ABCF3: variants seen among roughly 807,000 people sequenced by gnomAD.
The protein encoded by ABCF3 is ATP binding cassette subfamily F member 3.
A neutral mutation model predicts 94.3 loss-of-function variants in ABCF3; 62 were observed. The observed-to-expected ratio is 0.66, with a 90% CI of 0.54 to 0.81. ABCF3 has a LOEUF of 0.81. Among genes scored for constraint, ABCF3 ranks in the 40% least tolerant of loss-of-function variants. The pLI is 0.00. For missense variants in ABCF3, 843 were observed against 925.3 expected (o/e 0.91, Z 1.15); for synonymous variants, 355 against 361.1 (o/e 0.98, Z 0.19).
chr3:184,193,780 C>A lies in ABCF3; in HGVS notation c.*82C>A. 1 of 1,433,944 alleles carries A rather than the reference C, an allele frequency of 7.0e-7. No homozygotes were observed. The highest frequency in any genetic ancestry group is 9.3e-7 in the Non-Finnish European group (1 of 1,077,960). The allele number at this position is 1,433,944 out of a possible 1,614,324, so 88.8% of individuals were successfully genotyped here. A position where few individuals can be genotyped will look rare whatever the true frequency, so the allele number is the denominator to read the frequency against. On this transcript the variant is annotated 3_prime_UTR_variant, in exon 21 of 21. Transcript: ENST00000429586. The surrounding 1 kb of genome is among the most constrained non-coding windows in gnomAD (Gnocchi z 5.2). ...CACCATGTAGGCCACCACTCCAGGC[C>A]GTGGACTTCCCCCAACTTGGGGACA...
chr3:184,190,676 C>T, intron 14 of ABCF3: 1 of 262,864 alleles, frequency 3.8e-6, no homozygotes, highest in Admixed American at 5.0e-5. Context: ...ATTTGCATTG[C>T]CTTAATAACT....
intron 16 of ABCF3, among the ~76,000 whole-genome samples, 160 bp downstream of exon 16, chr3:184,191,415 C>T (rs1220842691): frequency 6.6e-6 from 1 of 152,204 alleles, no homozygotes; most frequent in Non-Finnish European, 1.5e-5. Context: ...GCCCTGTCCT[C>T]TGGCCGCACA....
rs1021426964 is a variant in ABCF3, at chr3:184,192,880, G to A, written c.1734G>A (p.Leu578=). The A allele has an allele frequency of 3.1e-6, 5 of 1,613,956 alleles. No homozygotes were observed. Among genetic ancestry groups the A allele is most frequent in the Middle Eastern group, 1.7e-4 (1 of 6,054 alleles). The stretch of plus-strand genomic sequence containing the variant: ...TAAACGTCAGTGCTGTGGAACTGCT[G>A]GCACGCAAGTTTCCTGGTGAGTTAG... ...LDLNVSAVEL[L]ARKFPGRPEE... Residue 578 remains leucine, a synonymous_variant, in exon 18 of 21, where the codon CTG becomes CTA. Coordinates refer to ENST00000429586, the MANE Select transcript of ABCF3 (RefSeq NM_018358.3).
chr3:184,191,293 C>T, intron 16 of ABCF3, 38 bp downstream of exon 16: 1 of 1,611,616 alleles, frequency 6.2e-7, no homozygotes, highest in Non-Finnish European at 8.5e-7. Flanking sequence ...AGCTGGGACT[C>T]TCCTGTCTAA....
Position 184,193,677 on chromosome 3 carries a change from C to G in ABCF3, c.2109C>G (p.Phe703Leu). 6.2e-7 allele frequency: 1 copy of G among 1,612,914 alleles called. No homozygotes were observed. Among genetic ancestry groups the G allele is most frequent in the Non-Finnish European group, 8.5e-7 (1 of 1,179,254 alleles). ...DQYRALLQEQ[F>L]RREGFL ...ACCGCGCCCTCCTCCAGGAACAGTT[C>G]CGCCGCGAAGGCTTCCTCTAGGGCC... The change falls in exon 21 of 21, where the codon TTC becomes TTG. Residue 703 changes from phenylalanine to leucine, a missense_variant. Coordinates refer to ENST00000429586, the MANE Select transcript of ABCF3 (RefSeq NM_018358.3). This position sits in a 1 kb window ranked among gnomAD's most constrained non-coding sequence, Gnocchi z 5.2.
Position 184,192,787 on chromosome 3 carries a change from C to T in ABCF3, c.1659-18C>T. ...CCATTGCCTTTGTCTGTTTTTCCAC[C>T]TCGGCTTCTGCCTGCAGGAATCTGA... On this transcript the variant is annotated intron_variant, in intron 17 of 20. Coordinates refer to ENST00000429586, the MANE Select transcript of ABCF3 (RefSeq NM_018358.3). The T allele has an allele frequency of 6.2e-7, 1 of 1,613,652 alleles. No individual in the cohort carries two copies. The highest frequency in any genetic ancestry group is 8.5e-7 in the Non-Finnish European group (1 of 1,179,614).
In ABCF3 at chr3:184,193,264, C is replaced by T. The variant is rs1383570613; in HGVS notation, c.1883+30C>T. ...GGCCTCATTTTCCAGAGCTCTTCCC[C>T]TCCCATTTCCCCTTCTTGCCCAGTA... On this transcript the variant is annotated intron_variant, in intron 19 of 20. Transcript: ENST00000429586. This position sits in a 1 kb window ranked among gnomAD's most constrained non-coding sequence, Gnocchi z 5.2. The T allele has an allele frequency of 1.9e-6, 3 of 1,588,528 alleles. No homozygotes were observed. The highest frequency in any genetic ancestry group is 2.6e-6 in the Non-Finnish European group (3 of 1,166,868).
In ABCF3 at chr3:184,187,309, G is replaced by C. The variant is rs1209830476; in HGVS notation, c.302-88G>C. ...TTATAAGGTTTTGTAGAAAACATCTGTGTCTGTGCCTGGTTCCTATTAGTC... is the reference window on the plus strand; with the variant it reads ...TTATAAGGTTTTGTAGAAAACATCTCTGTCTGTGCCTGGTTCCTATTAGTC... On this transcript the variant is annotated intron_variant, in intron 3 of 20. Transcript: ENST00000429586. 8 of 1,464,314 alleles carry C rather than the reference G, an allele frequency of 5.5e-6. No homozygotes were observed. In the African/African-American group the frequency reaches 9.7e-5, roughly 18 times the overall value. 90.7% of individuals were successfully genotyped at this position (1,464,314 alleles called of 1,614,324 possible). A position where few individuals can be genotyped will look rare whatever the true frequency, so the allele number is the denominator to read the frequency against.
chr3:184,187,937 T>C lies in ABCF3; in HGVS notation c.523T>C (p.Ser175Pro). The change falls in exon 6 of 21, where the codon TCC (serine) becomes CCC (proline). Residue 175 changes from serine (S) to proline (P), a missense_variant. Coordinates refer to ENST00000429586, the MANE Select transcript of ABCF3 (RefSeq NM_018358.3). ...GTTGGAATCATCTGGCAAGAACAAA[T>C]CCTATGATGTGCGAATTGAGAACTT... ...SRLESSGKNK[S>P]YDVRIENFDV... The C allele has an allele frequency of 6.2e-7, 1 of 1,613,924 alleles. No homozygotes were observed. The highest frequency in any genetic ancestry group is 2.2e-5 in the East Asian group (1 of 44,878).
Position 184,192,895 on chromosome 3 carries a change from T to C in ABCF3, c.1749T>C (p.Pro583=). The change falls in exon 18 of 21, where the codon CCT becomes CCC. Residue 583 remains proline (P), a splice_region_variant and synonymous_variant. Transcript: ENST00000429586. ...TGGAACTGCTGGCACGCAAGTTTCC[T>C]GGTGAGTTAGGGATTTGAGTCGGGG... ...SAVELLARKF[P]GRPEEEYRHQ... is the part of the protein sequence containing the mutation. 6.2e-7 allele frequency: 1 copy of C among 1,613,944 alleles called. No homozygotes were observed. The highest frequency in any genetic ancestry group is 8.5e-7 in the Non-Finnish European group (1 of 1,179,954).
chr3:184,186,832 A>G lies in ABCF3; in HGVS notation c.258A>G (p.Leu86=). 1 of 1,613,722 alleles carries G rather than the reference A, an allele frequency of 6.2e-7. No homozygotes were observed. Among genetic ancestry groups the G allele is most frequent in the Non-Finnish European group, 8.5e-7 (1 of 1,179,816 alleles). The change falls in exon 3 of 21, where the codon CTA becomes CTG. Residue 86 remains leucine (L), a synonymous_variant. Transcript: ENST00000429586. ...AAAGCCAGGGAAATAGCCAGGTGCT[A>G]CTGGACGCCCCTATCCAGTTGTCAA... ...EPQSQGNSQV[L]LDAPIQLSKI... is the part of the protein sequence containing the mutation.
rs1371088649 is a variant in ABCF3 at position 184,193,538 on chromosome 3, A to G, written c.1972-2A>G. ...AGCACCTCCTGCCCTCCTGTCTTTCAGGGTGGTGTGATTCTGGTGTCCCAC... is the reference window on the plus strand; with the variant it reads ...AGCACCTCCTGCCCTCCTGTCTTTCGGGGTGGTGTGATTCTGGTGTCCCAC... On this transcript the variant is annotated splice_acceptor_variant, in intron 20 of 20. Coordinates refer to ENST00000429586, the MANE Select transcript of ABCF3 (RefSeq NM_018358.3). LOFTEE classifies it high-confidence loss of function. This position sits in a 1 kb window ranked among gnomAD's most constrained non-coding sequence, Gnocchi z 5.2. The G allele has an allele frequency of 6.2e-7, 1 of 1,613,874 alleles. No individual in the cohort carries two copies. Among genetic ancestry groups the G allele is most frequent in the Non-Finnish European group, 8.5e-7 (1 of 1,179,968 alleles).
At chr3:184,189,171 G>A in intron 10 of ABCF3, 27 bp downstream of exon 10, 1 of 1,614,190 alleles carries the variant, frequency 6.2e-7, no homozygotes, top group Non-Finnish European at 8.5e-7. Context: ...AGTGTATGAA[G>A]CCCTATGGAA....
rs772836709 is a variant in ABCF3 at position 184,192,653 on chromosome 3, A to C, written c.1622A>C (p.Asp541Ala). The C allele has an allele frequency of 5.0e-6, 8 of 1,610,116 alleles. No homozygotes were observed. In the Admixed American group the frequency reaches 1.4e-4, roughly 28 times the overall value. ...ACCATGCTGAAGCTGCTTTTGGGGGACCTGGCACCTGTTCGGGGCATCAGA... is the reference window on the plus strand; with the variant it reads ...ACCATGCTGAAGCTGCTTTTGGGGGCCCTGGCACCTGTTCGGGGCATCAGA... The part of the protein sequence containing the change: ...KSTMLKLLLG[D>A]LAPVRGIRHA... Residue 541 changes from aspartate (D) to alanine (A), a missense_variant, in exon 17 of 21, where the codon GAC becomes GCC. Asp to Ala is a moderately radical substitution (Grantham distance 126). Coordinates refer to ENST00000429586, the MANE Select transcript of ABCF3 (RefSeq NM_018358.3).
intron 8 of ABCF3, 43 bp downstream of exon 8, chr3:184,188,884 T>C (rs750784663): frequency 5.0e-6 from 8 of 1,614,152 alleles, no homozygotes; most frequent in Non-Finnish European, 6.8e-6. Flanking sequence ...TCCTTTCCCT[T>C]CTGTGGACTG....
chr3:184,189,101 G>A lies in ABCF3; in HGVS notation c.991G>A (p.Gly331Ser). The A allele has an allele frequency of 6.2e-7, 1 of 1,614,214 alleles. No individual in the cohort carries two copies. The highest frequency in any genetic ancestry group is 8.5e-7 in the Non-Finnish European group (1 of 1,180,030). ...ATCATTCTTTAGGGAGTTCTCAGGT[G>A]GCTGGAGGATGAGGCTGGCCCTGGC... ...QQQPTREFSGGWRMRLALARA... is the reference protein window; with the variant it reads ...QQQPTREFSGSWRMRLALARA... Residue 331 changes from glycine to serine, a missense_variant, in exon 10 of 21, where the codon GGC becomes AGC. Transcript: ENST00000429586.
rs1715609325 is a variant in ABCF3 at position 184,186,264 on chromosome 3, C to T, written c.57C>T (p.Val19=). 2 of 1,614,100 alleles carry T rather than the reference C, an allele frequency of 1.2e-6. No individual in the cohort carries two copies. The highest frequency in any genetic ancestry group is 2.7e-5 in the African/African-American group (2 of 74,960). The change falls in exon 1 of 21, where the codon GTC becomes GTT. Residue 19 remains valine, a synonymous_variant. Coordinates refer to ENST00000429586, the MANE Select transcript of ABCF3 (RefSeq NM_018358.3). ...RSEFPEIDGQ[V]FDYVTGVLHS... ...AGTTCCCCGAAATTGACGGACAAGTCTTCGACTACGTGACCGGTAAGCAGA... is the reference window on the plus strand; with the variant it reads ...AGTTCCCCGAAATTGACGGACAAGTTTTCGACTACGTGACCGGTAAGCAGA...
intron 17 of ABCF3, 55 bp from the exon 18 acceptor site, chr3:184,192,750 G>A (rs888506786): frequency 4.4e-6 from 7 of 1,608,504 alleles, no homozygotes; most frequent in East Asian, 4.5e-5. Flanking sequence ...TGCTGCCTGC[G>A]CTCCTTCGTG....
At position 184,193,933 on chromosome 3, in the gene ABCF3, T is replaced by C. The variant is rs1005293657; in HGVS notation, c.*235T>C. 10 of 520,878 alleles carry C rather than the reference T, an allele frequency of 1.9e-5. No homozygotes were observed. The highest frequency in any genetic ancestry group is 5.7e-5 in the South Asian group (2 of 35,046). The allele number at this position is 520,878 out of a possible 1,614,324, so 32.3% of individuals were successfully genotyped here. On this transcript the variant is annotated 3_prime_UTR_variant, in exon 21 of 21. Coordinates refer to ENST00000429586, the MANE Select transcript of ABCF3 (RefSeq NM_018358.3). The surrounding 1 kb of genome is among the most constrained non-coding windows in gnomAD (Gnocchi z 5.2). ...GTCTGGGGGGTACCCTCTGGGGTTA[T>C]AGATTCCCCCACTGCCCCAGCTCTG...
Sources: allele counts gnomAD v4.1 joint callset (sites outside exome capture counted in the v4.1 genomes callset), GRCh38; gene constraint gnomAD v4.1.1; non-coding constraint Gnocchi (gnomAD v3.1); transcripts MANE v1.5; gene names NCBI Gene and HGNC (gene_info 2026-07-23, HGNC 2026-07-21).